ASTN2: variants seen among roughly 807,000 people sequenced by gnomAD.
ASTN2 encodes astrotactin 2.
ASTN2 carries 54 observed loss-of-function variants against 139.8 expected under a neutral mutation model. The ratio of observed to expected loss-of-function variants is 0.39; its 90% confidence interval spans 0.31 to 0.48. The LOEUF (loss-of-function observed/expected upper bound fraction) is 0.48, where lower values mean the gene tolerates loss of function less well. Among genes scored for constraint, ASTN2 ranks in the 20% least tolerant of loss-of-function variants. The pLI, the probability that ASTN2 is intolerant of heterozygous loss-of-function variation, is 0.95. For missense variants in ASTN2, 1,565 were observed against 1,725.1 expected (o/e 0.91, Z 1.64); for synonymous variants, 756 against 719.5 (o/e 1.05, Z -0.81).
At chr9:116,617,806 C>A (rs1042342754) in intron 19 of ASTN2, among the ~76,000 whole-genome samples, 1 of 152,148 alleles carries the variant, frequency 6.6e-6, no homozygotes, top group African/African-American at 2.4e-5. Context: ...TAGAAGAACT[C>A]GGAAATAATG....
intron 4 of ASTN2, among the ~76,000 whole-genome samples, chr9:117,132,414 C>T (rs1247764271): frequency 8.9e-6 from 1 of 111,816 alleles, no homozygotes; most frequent in Non-Finnish European, 1.9e-5. Context: ...GCATTATTAC[C>T]ATTCTACTGA....
intron 13 of ASTN2, among the ~76,000 whole-genome samples, chr9:116,794,706 T>C (rs1830647468): frequency 6.6e-6 from 1 of 152,216 alleles, no homozygotes; most frequent in South Asian, 2.1e-4. Flanking sequence ...GGGAGAAATA[T>C]CTGCCTATGC....
At chr9:116,990,072 T>C (rs1836807589) in intron 7 of ASTN2, among the ~76,000 whole-genome samples, 2 of 152,112 alleles carry the variant, frequency 1.3e-5, no homozygotes, top group Non-Finnish European at 2.9e-5. Flanking sequence ...GAGTTTAGAG[T>C]CAGAGAGGTC....
intron 14 of ASTN2, among the ~76,000 whole-genome samples, chr9:116,730,099 T>C (rs1269558351): frequency 3.3e-5 from 5 of 152,250 alleles, no homozygotes; most frequent in Non-Finnish European, 7.3e-5. Flanking sequence ...CTCTTTTTTA[T>C]AAGCTGAACA....
At chr9:116,767,573 G>C (rs1157290146) in intron 13 of ASTN2, among the ~76,000 whole-genome samples, 3 of 152,200 alleles carry the variant, frequency 2.0e-5, no homozygotes, top group African/African-American at 7.2e-5. Context: ...GTGTGGCTGT[G>C]AGCTGAGCAG....
intron 20 of ASTN2, among the ~76,000 whole-genome samples, chr9:116,454,837 A>T (rs938816390): frequency 1.3e-5 from 2 of 152,286 alleles, no homozygotes; most frequent in Admixed American, 6.5e-5. Context: ...GGAATTGAAC[A>T]ATAAGAACAC....
chr9:116,476,017 T>G (rs1848969264), intron 20 of ASTN2, among the ~76,000 whole-genome samples: 1 of 152,184 alleles, frequency 6.6e-6, no homozygotes, highest in Non-Finnish European at 1.5e-5. Flanking sequence ...ACCACAAATT[T>G]GGTGGCTTAA....
At chr9:117,365,881 G>A (rs1051890777) in intron 1 of ASTN2, among the ~76,000 whole-genome samples, 1 of 152,170 alleles carries the variant, frequency 6.6e-6, no homozygotes, top group Admixed American at 6.5e-5. Context: ...TTCTCTTATT[G>A]CTGTTTGTAG....
intron 1 of ASTN2, among the ~76,000 whole-genome samples, chr9:117,300,826 A>G (rs1409828272): frequency 6.6e-5 from 10 of 151,892 alleles, no homozygotes; most frequent in Admixed American, 6.6e-4. Context: ...AAAGAATGGT[A>G]CTCTTCAAAT....
At chr9:117,060,386 GAAA>G (rs1564406328) in intron 5 of ASTN2, among the ~76,000 whole-genome samples, 7 of 72,260 alleles carry the variant, frequency 9.7e-5, no homozygotes, top group African/African-American at 3.6e-4. Context: ...AAGAAAGAAA[GAAA>G]GAAAGAAAGA....
At position 117,414,501 on chromosome 9, in the gene ASTN2, G is replaced by A. The variant is rs767746162; in HGVS notation, c.438C>T (p.Thr146=). ...CGTGCCGGCGCCCAGCCTTACCCAGGGTGAAGAAGGGCAGCTCGGTGTTGT... is the reference window on the plus strand; with the variant it reads ...CGTGCCGGCGCCCAGCCTTACCCAGAGTGAAGAAGGGCAGCTCGGTGTTGT... The part of the protein sequence containing the change: ...DLDNTELPFF[T]LEMSGTAADI... Residue 146 remains threonine, a synonymous_variant, in exon 1 of 23, where the codon ACC becomes ACT. Transcript: ENST00000313400. The surrounding 1 kb of genome is among the most constrained non-coding windows in gnomAD (Gnocchi z 4.2). 2.9e-5 allele frequency: 47 copies of A among 1,608,596 alleles called. No individual in the cohort carries two copies. Among genetic ancestry groups the A allele is most frequent in the Non-Finnish European group, 3.8e-5 (45 of 1,178,038 alleles).
intron 16 of ASTN2, among the ~76,000 whole-genome samples, chr9:116,707,101 A>G (rs913965093): frequency 9.9e-5 from 15 of 151,800 alleles, no homozygotes; most frequent in Non-Finnish European, 1.6e-4. Flanking sequence ...CCCTCATTGT[A>G]TGGCGTACTC....
At chr9:116,572,419 A>G (rs1015359341) in intron 19 of ASTN2, among the ~76,000 whole-genome samples, 17 of 152,196 alleles carry the variant, frequency 1.1e-4, no homozygotes, top group African/African-American at 4.1e-4. Flanking sequence ...CACCCCTGAG[A>G]CTTCCAGCCT....
At chr9:117,041,503 G>C (rs1588503908) in intron 5 of ASTN2, among the ~76,000 whole-genome samples, 1 of 152,160 alleles carries the variant, frequency 6.6e-6, no homozygotes, top group South Asian at 2.1e-4. Flanking sequence ...CATCTGAAGA[G>C]TTGTGTAGTG....
At chr9:116,747,099 G>A (rs951660051) in intron 13 of ASTN2, among the ~76,000 whole-genome samples, 4 of 152,106 alleles carry the variant, frequency 2.6e-5, no homozygotes, top group African/African-American at 9.7e-5. Context: ...AGAATAACAA[G>A]TATCATTTTT....
intron 19 of ASTN2, among the ~76,000 whole-genome samples, chr9:116,569,828 C>T (rs907193758): frequency 4.6e-5 from 7 of 152,126 alleles, no homozygotes; most frequent in Non-Finnish European, 1.0e-4. Context: ...CTTTCCAGAC[C>T]CAGAAACTGG....
chr9:117,291,866 G>A (rs990735103), intron 1 of ASTN2, among the ~76,000 whole-genome samples: 1 of 152,224 alleles, frequency 6.6e-6, no homozygotes. Context: ...ACTAGAAGAA[G>A]ATGAAGGAAA....
intron 16 of ASTN2, among the ~76,000 whole-genome samples, chr9:116,680,208 C>G (rs573060550): frequency 6.6e-6 from 1 of 152,090 alleles, no homozygotes; most frequent in Admixed American, 6.5e-5. Flanking sequence ...ACCGATCCCA[C>G]GGAAATACAA....
At chr9:116,508,045 T>G (rs571990957) in intron 19 of ASTN2, among the ~76,000 whole-genome samples, 3 of 152,088 alleles carry the variant, frequency 2.0e-5, no homozygotes, top group Non-Finnish European at 2.9e-5. Flanking sequence ...TATGCCACCA[T>G]GCCCGGCTAA....
Sources: gnomAD v4.1 joint callset for allele counts (sites outside exome capture counted in the v4.1 genomes callset) on GRCh38, gnomAD v4.1.1 for gene constraint, Gnocchi (gnomAD v3.1) non-coding constraint, MANE v1.5 for transcripts, NCBI Gene and HGNC (gene_info 2026-07-23, HGNC 2026-07-21) for gene names.